Variants in SNX11 observed in about 807,000 individuals in gnomAD.
The protein encoded by SNX11 is sorting nexin-11.
A neutral mutation model predicts 30.7 loss-of-function variants in SNX11; 19 were observed. The ratio of observed to expected loss-of-function variants is 0.62; its 90% CI spans 0.43 to 0.91. The LOEUF (loss-of-function observed/expected upper bound fraction) is 0.91. Among genes scored for constraint, SNX11 ranks in the 40% least tolerant of loss-of-function variants. SNX11 has a pLI of 0.00. For synonymous variants in SNX11, 112 were observed against 119.0 expected, an observed-to-expected ratio of 0.94 and a Z score of 0.38; for missense variants, 302 against 326.7, an observed-to-expected ratio of 0.92 and a Z score of 0.58.
In SNX11 at chr17:48,113,287, G is replaced by A; in HGVS notation, c.130-14G>A. On this transcript the variant is annotated splice_polypyrimidine_tract_variant and intron_variant, in intron 3 of 6. Transcript: ENST00000359238. Reference sequence around the variant, plus strand: ...TAAACCCTTTTCATGTACTTCATGTGCTTTCATGTATAGACCAACAGCAAA... The same window carrying A: ...TAAACCCTTTTCATGTACTTCATGTACTTTCATGTATAGACCAACAGCAAA... 4 of 1,605,948 alleles carry A rather than the reference G, an allele frequency of 2.5e-6. No individual in the cohort carries two copies. Among genetic ancestry groups the A allele is most frequent in the Non-Finnish European group, 1.7e-6 (2 of 1,173,144 alleles).
chr17:48,119,849 A>G (rs2063580918), intron 6 of SNX11, among the ~76,000 whole-genome samples: 1 of 152,184 alleles, frequency 6.6e-6, no homozygotes, highest in African/African-American at 2.4e-5. Flanking sequence ...GTCAGCCACC[A>G]CAGTCAATTT....
intron 5 of SNX11, 44 bp from the exon 6 acceptor site, chr17:48,118,930 C>T: frequency 6.3e-7 from 1 of 1,595,604 alleles, no homozygotes. Flanking sequence ...GAGAGCAGTT[C>T]CTCAGGGTGA....
chr17:48,109,196 G>C (rs991157085), intron 1 of SNX11, among the ~76,000 whole-genome samples: 6 of 151,644 alleles, frequency 4.0e-5, no homozygotes, highest in African/African-American at 7.3e-5. Context: ...GCTTCCCAAA[G>C]TGTTGGATTA....
At position 48,119,017 on chromosome 17, in the gene SNX11, C is replaced by G. The variant is rs1232457673; in HGVS notation, c.370C>G (p.Leu124Val). Residue 124 changes from leucine to valine, a missense_variant, in exon 6 of 7, where the codon CTA becomes GTA. By Grantham distance (32) the Leu-to-Val change is conservative (BLOSUM62 1). Transcript: ENST00000359238. The part of the protein sequence containing the change: ...VVLLSDSQLH[L>V]FLQSQLSVPE... ...TCTCCTGTCAGACAGCCAGTTGCAC[C>G]TATTCCTGCAAAGCCAGCTCTCGGT... 6.2e-7 allele frequency: 1 copy of G among 1,614,064 alleles called. No homozygotes were observed. The highest frequency in any genetic ancestry group is 8.5e-7 in the Non-Finnish European group (1 of 1,180,014).
chr17:48,109,429 T>C (rs891181523), intron 1 of SNX11, among the ~76,000 whole-genome samples: 4 of 150,976 alleles, frequency 2.6e-5, no homozygotes, highest in African/African-American at 9.7e-5. Flanking sequence ...CCAGCTAATT[T>C]TTGTATTTTT....
rs1302162961 is a variant in SNX11, at chr17:48,121,591, G to A, written c.*83G>A. On this transcript the variant is annotated 3_prime_UTR_variant, in exon 7 of 7. Transcript: ENST00000359238. ...GTGGGACTGGGCACAGGGCAGGTAT[G>A]TGGGAGGCTGGGCTGCTTAGTGTCT... 1.2e-5 allele frequency: 17 copies of A among 1,476,772 alleles called. No homozygotes were observed. Among genetic ancestry groups the A allele is most frequent in the Non-Finnish European group, 1.5e-5 (16 of 1,081,142 alleles). The allele number at this position is 1,476,772 out of a possible 1,614,324, so 91.5% of individuals were successfully genotyped here.
chr17:48,112,512 C>A (rs1293193113), intron 2 of SNX11, 62 bp from the exon 3 acceptor site: 24 of 1,071,302 alleles, frequency 2.2e-5, no homozygotes, highest in Non-Finnish European at 3.3e-5. Flanking sequence ...AATCTAGCGA[C>A]CTGTGTTGTC....
At chr17:48,118,459 A>G (rs1303226709) in intron 4 of SNX11, among the ~76,000 whole-genome samples, 4 of 151,790 alleles carry the variant, frequency 2.6e-5, no homozygotes, top group African/African-American at 9.7e-5. Context: ...TGCACCTGTA[A>G]TCCCAGTTAC....
chr17:48,121,886 T>TG lies in SNX11; in HGVS notation c.*381dup, dbSNP rs1399375253. 1.0e-5 allele frequency: 2 copies of TG among 195,036 alleles called. No homozygotes were observed. The highest frequency in any genetic ancestry group is 4.7e-5 in the African/African-American group (2 of 42,678). 12.1% of individuals were successfully genotyped at this position (195,036 alleles called of 1,614,324 possible). ...GCTGCCATATTGAACATCATCCCACTGGGAGTGGTTATGTTGTATCCCCAT... is the reference window on the plus strand; with the variant it reads ...GCTGCCATATTGAACATCATCCCACTGGGGAGTGGTTATGTTGTATCCCCAT... On this transcript the variant is annotated 3_prime_UTR_variant, in exon 7 of 7. Transcript: ENST00000359238.
upstream of SNX11, chr17:48,107,735 T>C (rs1236388345): frequency 2.6e-5 from 4 of 152,284 alleles, no homozygotes; most frequent in Non-Finnish European, 5.9e-5. Context: ...GCGTCTCCCG[T>C]CGTGCACCGG....
chr17:48,121,728 AG>A lies in SNX11; in HGVS notation c.*224del, dbSNP rs1339906607. 3.6e-6 allele frequency: 2 copies of A among 559,950 alleles called. No homozygotes were observed. Among genetic ancestry groups the A allele is most frequent in the African/African-American group, 3.8e-5 (2 of 53,298 alleles). 34.7% of individuals were successfully genotyped at this position (559,950 alleles called of 1,614,324 possible). ...TGTTTGTAAGTTAAACATAAGACAC[AG>A]GGGCTGTTGCTTTTGAACAGAACCC... On this transcript the variant is annotated 3_prime_UTR_variant, in exon 7 of 7. Transcript: ENST00000359238.
At chr17:48,110,039 C>T (rs993221837) in intron 1 of SNX11, among the ~76,000 whole-genome samples, 27 of 151,928 alleles carry the variant, frequency 1.8e-4, no homozygotes, top group African/African-American at 3.9e-4. Context: ...TCGTCTTTCC[C>T]GTTGTTAGTT....
chr17:48,118,981 C>T lies in SNX11; in HGVS notation c.334C>T (p.Gln112Ter). The change falls in exon 6 of 7, where the codon CAG (glutamine) becomes TAG (stop). Residue 112 changes from glutamine to a stop codon, truncating the protein, a stop_gained. Transcript: ENST00000359238. LOFTEE classifies it high-confidence loss of function. ...TACCTGTGTTTTTCCCAGGGTCCTG[C>T]AGAGTGTGGTTCTCCTGTCAGACAG... ...GLQHFLEKVL[Q>*]SVVLLSDSQL... 6.2e-7 allele frequency: 1 copy of T among 1,613,946 alleles called. No individual in the cohort carries two copies. Among genetic ancestry groups the T allele is most frequent in the Non-Finnish European group, 8.5e-7 (1 of 1,179,970 alleles).
chr17:48,116,480 A>G (rs1351231345), intron 4 of SNX11, among the ~76,000 whole-genome samples: 1 of 151,852 alleles, frequency 6.6e-6, no homozygotes, highest in East Asian at 1.9e-4. Context: ...CAGTCTCCCA[A>G]GTTGTTGGGA....
At chr17:48,109,990 A>G (rs2063475099) in intron 1 of SNX11, among the ~76,000 whole-genome samples, 1 of 97,682 alleles carries the variant, frequency 1.0e-5, no homozygotes, top group African/African-American at 3.5e-5. Context: ...CAAAAGATGT[A>G]TGAGCTCCAC....
intron 5 of SNX11, 36 bp from the exon 6 acceptor site, chr17:48,118,938 T>C: frequency 1.9e-6 from 3 of 1,598,916 alleles, no homozygotes; most frequent in Non-Finnish European, 2.6e-6. Context: ...TTCCTCAGGG[T>C]GATGCTCTGT....
At position 48,112,274 on chromosome 17, in the gene SNX11, TCTGA is replaced by T; in HGVS notation, c.42+192_42+195del. ...CATTCCTAGGAAATTGGGGTTCCATTCTGACTAAATTTTCCTTTGATTGGAATAT... is the reference window on the plus strand; with the variant it reads ...CATTCCTAGGAAATTGGGGTTCCATTCTAAATTTTCCTTTGATTGGAATAT... On this transcript the variant is annotated intron_variant, in intron 2 of 6. Coordinates refer to ENST00000359238, the MANE Select transcript of SNX11 (RefSeq NM_013323.3). 4 of 676,752 alleles carry T rather than the reference TCTGA, an allele frequency of 5.9e-6. No individual in the cohort carries two copies. The East Asian group carries it at 1.1e-4, about 18-fold the overall frequency. 41.9% of individuals were successfully genotyped at this position (676,752 alleles called of 1,614,324 possible).
chr17:48,112,376 GTGTC>G, intron 2 of SNX11, 194 bp from the exon 3 acceptor site: 1 of 650,064 alleles, frequency 1.5e-6, no homozygotes, highest in South Asian at 1.8e-5. Context: ...GCCTATAACA[GTGTC>G]TGACACGTAG....
chr17:48,111,699 C>A (rs1228697849), intron 1 of SNX11, among the ~76,000 whole-genome samples: 1 of 150,968 alleles, frequency 6.6e-6, no homozygotes, highest in African/African-American at 2.4e-5. Context: ...CCCTGTTGTG[C>A]CTGCATTCTT....
Sources: gnomAD v4.1 joint callset for allele counts (sites outside exome capture counted in the v4.1 genomes callset) on GRCh38, gnomAD v4.1.1 for gene constraint, MANE v1.5 for transcripts, NCBI Gene and HGNC (gene_info 2026-07-23, HGNC 2026-07-21) for gene names.